Variants in DEAF1 observed in about 807,000 individuals in gnomAD.
The protein encoded by DEAF1 is deformed epidermal autoregulatory factor 1 homolog.
A neutral mutation model predicts 58.9 loss-of-function variants in DEAF1; 53 were observed. The ratio of observed to expected loss-of-function variants is 0.90; its 90% confidence interval spans 0.72 to 1.13. The LOEUF (loss-of-function observed/expected upper bound fraction) is 1.13, where lower values mean the gene tolerates loss of function less well. Among genes scored for constraint, DEAF1 ranks in the 50% most tolerant of loss-of-function variants. The pLI, the probability that DEAF1 is intolerant of heterozygous loss-of-function variation, is 0.00. For synonymous variants in DEAF1, 385 were observed against 340.4 expected (o/e 1.13, Z -1.44); for missense variants, 685 against 791.4 (o/e 0.87, Z 1.61).
intron 10 of DEAF1, among the ~76,000 whole-genome samples, chr11:663,197 A>G (rs1166943464): frequency 6.6e-6 from 1 of 152,256 alleles, no homozygotes; most frequent in African/African-American, 2.4e-5. Context: ...CTGTAATCCC[A>G]GCACTTTGGG....
chr11:703,305 G>C (rs1861584676), intron 1 of DEAF1: 1 of 1,424,226 alleles, frequency 7.0e-7, no homozygotes, highest in East Asian at 2.6e-5. Context: ...GGCAGGAGTG[G>C]GAGCAGGAGC....
Position 678,719 on chromosome 11 carries a change from C to T in DEAF1, c.1230G>A (p.Ala410=), listed in dbSNP as rs140525006. The part of the protein sequence containing the change: ...SCQIAPFPEA[A]LPTSHPKIVL... ...CTATTTTGGGATGTGACGTTGGCAA[C>T]GCAGCTTCTGGAAACGGTGCGATCT... The change falls in exon 9 of 12, where the codon GCG becomes GCA. Residue 410 remains alanine, a synonymous_variant. Coordinates refer to ENST00000382409, the MANE Select transcript of DEAF1 (RefSeq NM_021008.4). The T allele has an allele frequency of 3.5e-5, 57 of 1,614,038 alleles. No individual in the cohort carries two copies. The highest frequency in any genetic ancestry group is 1.6e-4 in the Middle Eastern group (1 of 6,084).
chr11:703,200 C>A, intron 1 of DEAF1: 1 of 1,538,848 alleles, frequency 6.5e-7, no homozygotes, highest in Admixed American at 1.9e-5. Flanking sequence ...CTGGGCCTGA[C>A]CAGTCCCCCA....
chr11:685,882 C>T (rs1386014395), intron 5 of DEAF1, among the ~76,000 whole-genome samples: 6 of 151,484 alleles, frequency 4.0e-5, no homozygotes, highest in African/African-American at 7.3e-5. Context: ...TTGTGGCTCA[C>T]GCCTGTAATC....
chr11:647,273 G>A (rs1439777094), intron 11 of DEAF1, among the ~76,000 whole-genome samples: 1 of 152,186 alleles, frequency 6.6e-6, no homozygotes, highest in African/African-American at 2.4e-5. Context: ...GAACAACATG[G>A]TGAAACCCCG....
intron 2 of DEAF1, chr11:689,891 A>T (rs1340881208): frequency 6.6e-6 from 1 of 152,078 alleles, no homozygotes; most frequent in Non-Finnish European, 1.5e-5. Flanking sequence ...AGGCACCCAC[A>T]GGTGCCTTGG....
chr11:648,361 AT>A (rs1169201689), intron 11 of DEAF1, among the ~76,000 whole-genome samples: 93 of 151,752 alleles, frequency 6.1e-4, no homozygotes, highest in South Asian at 1.2e-3. Context: ...CGCCAAGCTA[AT>A]TTTTTTGTAT....
At chr11:679,133 A>T (rs1377197323) in intron 8 of DEAF1, among the ~76,000 whole-genome samples, 1 of 152,102 alleles carries the variant, frequency 6.6e-6, no homozygotes, top group Non-Finnish European at 1.5e-5. Context: ...TAACATGGTG[A>T]AACGCTGTCT....
At chr11:683,317 T>G (rs144091406) in intron 6 of DEAF1, among the ~76,000 whole-genome samples, 1 of 152,338 alleles carries the variant, frequency 6.6e-6, no homozygotes, top group Non-Finnish European at 1.5e-5. Flanking sequence ...ACCTTTCACT[T>G]TAGATCGATG....
chr11:664,466 T>A (rs56365634), intron 10 of DEAF1, among the ~76,000 whole-genome samples: 1 of 132,160 alleles, frequency 7.6e-6, no homozygotes, highest in South Asian at 2.8e-4. Context: ...TCACTCTGAG[T>A]CCTGGCTCAG....
At position 645,703 on chromosome 11, in the gene DEAF1, G is replaced by A. The variant is rs370178130; in HGVS notation, c.1594-1049C>T. On this transcript the variant is annotated intron_variant, in intron 11 of 11. Transcript: ENST00000382409. Reference sequence around the variant, plus strand: ...AGAAAGGAGGTGGGGGATGGTGCCTGGGAGAAGCCACAGCTCCTGTGAGGT... The same window carrying A: ...AGAAAGGAGGTGGGGGATGGTGCCTAGGAGAAGCCACAGCTCCTGTGAGGT... 4.6e-5 allele frequency among the ~76,000 whole-genome samples: 7 copies of A among 152,290 alleles called. No homozygotes were observed. The East Asian group carries it at 1.3e-3, about 29-fold the overall frequency.
chr11:685,084 T>A, intron 5 of DEAF1, 121 bp from the exon 6 acceptor site: 5 of 514,970 alleles, frequency 9.7e-6, no homozygotes, highest in Non-Finnish European at 1.3e-5. Context: ...TAAAAATTCT[T>A]TTTTTTTTTT....
chr11:694,200 C>T (rs927322375), intron 1 of DEAF1, among the ~76,000 whole-genome samples: 3 of 148,708 alleles, frequency 2.0e-5, no homozygotes, highest in Non-Finnish European at 4.5e-5. Flanking sequence ...CAGTAGGAGG[C>T]GGGGCTGCCA....
intron 1 of DEAF1, chr11:694,445 G>A (rs937467483): frequency 3.4e-6 from 1 of 293,250 alleles, no homozygotes. Flanking sequence ...GGTATTTGTG[G>A]CAGGTGGGGC....
Position 688,350 on chromosome 11 carries a change from C to T in DEAF1, c.498G>A (p.Pro166=), listed in dbSNP as rs574863473. The change falls in exon 3 of 12, where the codon CCG becomes CCA. Residue 166 remains proline, a synonymous_variant. Transcript: ENST00000382409. This position sits in a 1 kb window ranked among gnomAD's most constrained non-coding sequence, Gnocchi z 4.3. The stretch of plus-strand genomic sequence containing the variant: ...CTGTACCTGGGGTGAGGGGAGCTGC[C>T]GGGCCTTTCAGCCCGGTGGTCTCCA... The part of the protein sequence containing the change: ...SIVETTGLKG[P]AAPLTPGPQS... 17 of 1,613,726 alleles carry T rather than the reference C, an allele frequency of 1.1e-5. No homozygotes were observed. The African/African-American group carries it at 1.1e-4, about 10-fold the overall frequency.
At chr11:687,070 C>T (rs1344514278) in intron 4 of DEAF1, 73 bp from the exon 5 acceptor site, 10 of 1,599,338 alleles carry the variant, frequency 6.3e-6, no homozygotes, top group African/African-American at 2.7e-5. Flanking sequence ...CCTCCTGGCG[C>T]CTCCTCAACC....
rs1337378597 is a variant in DEAF1 at position 681,083 on chromosome 11, G to A, written c.877C>T (p.Pro293Ser). Residue 293 changes from proline to serine, a missense_variant, in exon 7 of 12, where the codon CCA becomes TCA. This residue lies in a region of DEAF1 where 343 missense variants were observed against 379.8 expected (regional missense o/e 0.90). Coordinates refer to ENST00000382409, the MANE Select transcript of DEAF1 (RefSeq NM_021008.4). ...TTGTAAGGCACAAAAAGCCTGACTG[G>A]GCCACTCTGGGGGAGAAAGGAGAGA... ...ACCDDMTLSGPVRLFVPYKRR... is the reference protein window; with the variant it reads ...ACCDDMTLSGSVRLFVPYKRR... 1 of 1,613,988 alleles carries A rather than the reference G, an allele frequency of 6.2e-7. No individual in the cohort carries two copies. Among genetic ancestry groups the A allele is most frequent in the Non-Finnish European group, 8.5e-7 (1 of 1,180,022 alleles).
In DEAF1 at chr11:644,685, G is replaced by A; in HGVS notation, c.1594-31C>T. 1 of 1,552,378 alleles carries A rather than the reference G, an allele frequency of 6.4e-7. No homozygotes were observed. The highest frequency in any genetic ancestry group is 8.8e-7 in the Non-Finnish European group (1 of 1,140,790). ...AGGGAGGACACACCCATGTCAGCAG[G>A]GTCAGTGGGTGGAGCAGGGTCTGGG... On this transcript the variant is annotated intron_variant, in intron 11 of 11. Coordinates refer to ENST00000382409, the MANE Select transcript of DEAF1 (RefSeq NM_021008.4). The surrounding 1 kb of genome is among the most constrained non-coding windows in gnomAD (Gnocchi z 4.3).
In DEAF1 at chr11:688,091, C is replaced by T. The variant is rs12277188; in HGVS notation, c.518-34G>A. ...GAGAAAGTGTTTGAAGGTGAGAGGC[C>T]GGACACCGGGAAGCATAGTACACTC... is the stretch of plus-strand genomic sequence containing the variant. On this transcript the variant is annotated intron_variant, in intron 3 of 11. Coordinates refer to ENST00000382409, the MANE Select transcript of DEAF1 (RefSeq NM_021008.4). This position sits in a 1 kb window ranked among gnomAD's most constrained non-coding sequence, Gnocchi z 4.3. The T allele has an allele frequency of 0.46, 740,054 of 1,611,898 alleles. 173,224 individuals are homozygous for T. Among genetic ancestry groups the T allele is most frequent in the East Asian group, 0.58 (25,936 of 44,836 alleles).
Sources: allele counts gnomAD v4.1 joint callset (sites outside exome capture counted in the v4.1 genomes callset), GRCh38; gene constraint gnomAD v4.1.1; regional missense constraint gnomAD v4.1.1; non-coding constraint Gnocchi (gnomAD v3.1); transcripts MANE v1.5; gene names NCBI Gene and HGNC (gene_info 2026-07-23, HGNC 2026-07-21).